Variants in TSPAN12 observed in about 807,000 individuals in gnomAD.
TSPAN12 encodes the protein tetraspanin 12.
In TSPAN12, 19 loss-of-function variants were observed where a neutral mutation model predicts 39.2. That is an observed-to-expected ratio of 0.49 (90% confidence interval 0.34 to 0.71). The LOEUF is 0.71. Among genes scored for constraint, TSPAN12 ranks in the 30% least tolerant of loss-of-function variants. The probability of loss-of-function intolerance (pLI) is 0.01; values close to 1 mark genes in which losing one functional copy is unlikely to be tolerated. For synonymous variants in TSPAN12, 119 were observed against 124.8 expected, an observed-to-expected ratio of 0.95 and a Z score of 0.31; for missense variants, 314 against 359.9, an observed-to-expected ratio of 0.87 and a Z score of 1.03.
chr7:120,796,111 G>T (rs1409809385), intron 7 of TSPAN12, among the ~76,000 whole-genome samples: 1 of 152,170 alleles, frequency 6.6e-6, no homozygotes, highest in Admixed American at 6.5e-5. Flanking sequence ...AGAAAACCTG[G>T]AAGGCTTCTT....
intron 2 of TSPAN12, among the ~76,000 whole-genome samples, chr7:120,856,495 G>A (rs1203125167): frequency 6.6e-6 from 1 of 152,294 alleles, no homozygotes; most frequent in East Asian, 1.9e-4. Flanking sequence ...TCCAGGGGTG[G>A]ATTTCTTTGT....
chr7:120,857,245 A>G, intron 1 of TSPAN12: 1 of 258,684 alleles, frequency 3.9e-6, no homozygotes, highest in Non-Finnish European at 7.6e-6. Flanking sequence ...CGGACACGTC[A>G]GAGGCGCCAC....
chr7:120,799,779 T>G (rs1241666541), intron 7 of TSPAN12, among the ~76,000 whole-genome samples: 4 of 135,188 alleles, frequency 3.0e-5, no homozygotes, highest in Non-Finnish European at 6.2e-5. Flanking sequence ...TTTAATTAAA[T>G]TATATATAAT....
At chr7:120,792,696 A>C (rs1049369753) in intron 7 of TSPAN12, among the ~76,000 whole-genome samples, 3 of 152,232 alleles carry the variant, frequency 2.0e-5, no homozygotes, top group Non-Finnish European at 4.4e-5. Context: ...CAATGACCAC[A>C]TGTGACAAAG....
chr7:120,821,421 T>C (rs1794185526), intron 4 of TSPAN12, among the ~76,000 whole-genome samples: 1 of 146,072 alleles, frequency 6.8e-6, no homozygotes, highest in Admixed American at 6.7e-5. Flanking sequence ...GAAATTGTCT[T>C]GTTGACTTAA....
chr7:120,799,484 A>G (rs1202632504), intron 7 of TSPAN12, among the ~76,000 whole-genome samples: 1 of 112,242 alleles, frequency 8.9e-6, no homozygotes, highest in Non-Finnish European at 1.8e-5. Flanking sequence ...TTTTATAATT[A>G]TATATAATTA....
rs139536082 is a variant in TSPAN12, at chr7:120,815,738, C to T, written c.351G>A (p.Gln117=). Residue 117 remains glutamine (Q), a synonymous_variant, in exon 5 of 8, where the codon CAG becomes CAA. Transcript: ENST00000222747. ...ELACGVWTYE[Q]ELMVPVQWSD... ...TCTATTTTGAACTCACCATAAGTTC[C>T]TGTTCATATGTCCAAACGCCACAAG... 176 of 1,612,614 alleles carry T rather than the reference C, an allele frequency of 1.1e-4. No individual in the cohort carries two copies. The African/African-American group carries it at 2.1e-3, about 19-fold the overall frequency.
chr7:120,825,764 T>C (rs968517136), intron 4 of TSPAN12, among the ~76,000 whole-genome samples: 2 of 152,228 alleles, frequency 1.3e-5, no homozygotes, highest in African/African-American at 4.8e-5. Flanking sequence ...TAAGAATCCA[T>C]GGGGACTAAA....
chr7:120,828,489 C>A (rs1480019495), intron 4 of TSPAN12, among the ~76,000 whole-genome samples: 1 of 152,102 alleles, frequency 6.6e-6, no homozygotes, highest in African/African-American at 2.4e-5. Context: ...TTCCACCAGC[C>A]TTTGGGTCCT....
At chr7:120,828,341 A>G (rs1477937581) in intron 4 of TSPAN12, among the ~76,000 whole-genome samples, 2 of 152,230 alleles carry the variant, frequency 1.3e-5, no homozygotes, top group Admixed American at 1.3e-4. Flanking sequence ...TTCAGATCAC[A>G]GAGTATGCAT....
intron 4 of TSPAN12, among the ~76,000 whole-genome samples, chr7:120,817,179 G>A (rs543350361): frequency 6.6e-6 from 1 of 151,976 alleles, no homozygotes; most frequent in East Asian, 1.9e-4. Flanking sequence ...TTCGAGACCA[G>A]CCTGGAAAAT....
chr7:120,798,250 T>G (rs1206790597), intron 7 of TSPAN12, among the ~76,000 whole-genome samples: 1 of 152,146 alleles, frequency 6.6e-6, no homozygotes, highest in Non-Finnish European at 1.5e-5. Flanking sequence ...AAAAGGGATC[T>G]TCCCCCCTAC....
At chr7:120,791,893 A>T (rs1584919414) in intron 7 of TSPAN12, among the ~76,000 whole-genome samples, 1 of 152,132 alleles carries the variant, frequency 6.6e-6, no homozygotes, top group South Asian at 2.1e-4. Context: ...AAAACATGGC[A>T]AAAAAGCACT....
chr7:120,839,094 GC>G (rs1391365747), intron 3 of TSPAN12, among the ~76,000 whole-genome samples, 182 bp from the exon 4 acceptor site: 1 of 152,050 alleles, frequency 6.6e-6, no homozygotes, highest in Non-Finnish European at 1.5e-5. Flanking sequence ...TTGCTCGGTT[GC>G]TTTATTTTTG....
chr7:120,828,312 G>A (rs1223425869), intron 4 of TSPAN12, among the ~76,000 whole-genome samples: 3 of 152,162 alleles, frequency 2.0e-5, no homozygotes, highest in South Asian at 2.1e-4. Flanking sequence ...AGAACAGATC[G>A]TGCTTCTGCT....
rs1445518215 is a variant in TSPAN12 at position 120,834,291 on chromosome 7, C to A, written c.285+4486G>T. The stretch of plus-strand genomic sequence containing the variant: ...TTATCTGAAATCAAATTTAATTGGG[C>A]ATCTTCTATTTTATTTGGGAACCTT... On this transcript the variant is annotated intron_variant, in intron 4 of 7. Coordinates refer to ENST00000222747, the MANE Select transcript of TSPAN12 (RefSeq NM_012338.4). 3.3e-5 allele frequency among the ~76,000 whole-genome samples: 5 copies of A among 152,072 alleles called. No individual in the cohort carries two copies. In the East Asian group the frequency reaches 9.6e-4, roughly 29 times the overall value.
Position 120,788,499 on chromosome 7 carries a change from T to A in TSPAN12, c.*93A>T. On this transcript the variant is annotated 3_prime_UTR_variant, in exon 8 of 8. Coordinates refer to ENST00000222747, the MANE Select transcript of TSPAN12 (RefSeq NM_012338.4). ...AGGTGTTATTTTATGGCAACATTTT[T>A]ATTTCTACATATTTCTGAAACACAT... 1 of 1,462,926 alleles carries A rather than the reference T, an allele frequency of 6.8e-7. No homozygotes were observed. Among genetic ancestry groups the A allele is most frequent in the Non-Finnish European group, 9.5e-7 (1 of 1,048,736 alleles). 90.6% of individuals were successfully genotyped at this position (1,462,926 alleles called of 1,614,324 possible).
chr7:120,802,515 T>C (rs994571528), intron 7 of TSPAN12, among the ~76,000 whole-genome samples: 1 of 152,186 alleles, frequency 6.6e-6, no homozygotes, highest in African/African-American at 2.4e-5. Flanking sequence ...TGCTGTTTTT[T>C]TTTCTTGTTA....
At chr7:120,793,082 T>C (rs1439628457) in intron 7 of TSPAN12, among the ~76,000 whole-genome samples, 1 of 152,198 alleles carries the variant, frequency 6.6e-6, no homozygotes, top group East Asian at 1.9e-4. Flanking sequence ...TAGACAGTCA[T>C]AGCTGAAGAA....
Sources: allele counts gnomAD v4.1 joint callset (sites outside exome capture counted in the v4.1 genomes callset), GRCh38; gene constraint gnomAD v4.1.1; transcripts MANE v1.5; gene names NCBI Gene and HGNC (gene_info 2026-07-23, HGNC 2026-07-21).